The following KLC1 variants were observed in gnomAD, a reference collection of about 807,000 sequenced individuals.
The protein encoded by KLC1 is kinesin light chain 1, also known as kinesin 2 60/70kDa.
KLC1 carries 30 observed loss-of-function variants against 84.2 expected under a neutral mutation model. The ratio of observed to expected loss-of-function variants is 0.36; its 90% CI spans 0.27 to 0.48. The LOEUF (loss-of-function observed/expected upper bound fraction) is 0.48, where lower values mean the gene tolerates loss of function less well. KLC1 is among the 20% of genes least tolerant of loss of function. KLC1 has a pLI of 0.99. For missense variants in KLC1, 499 were observed against 805.4 expected, an observed-to-expected ratio of 0.62 and a Z score of 4.60; for synonymous variants, 289 against 293.3, an observed-to-expected ratio of 0.99 and a Z score of 0.15.
intron 14 of KLC1, among the ~76,000 whole-genome samples, chr14:103,691,147 T>TC (rs1296544471): frequency 7.1e-5 from 9 of 127,622 alleles, no homozygotes; most frequent in Non-Finnish European, 1.5e-4. Flanking sequence ...CCCAGATGGT[T>TC]CCCCCCACTT....
chr14:103,641,768 C>CTGGG (rs1301558984), intron 1 of KLC1, among the ~76,000 whole-genome samples: 3 of 151,832 alleles, frequency 2.0e-5, no homozygotes, highest in Non-Finnish European at 4.4e-5. Flanking sequence ...ACTACAGGTG[C>CTGGG]ACACTACAAC....
Position 103,654,742 on chromosome 14 carries a change from G to T in KLC1, c.178G>T (p.Asp60Tyr). ...GACACTGAAGTGTTTGAAGAAAGAT[G>T]ATGAAAGTAATTTGGTGGAGGAGAA... ...LETLKCLKKDDESNLVEEKSN... is the reference protein window; with the variant it reads ...LETLKCLKKDYESNLVEEKSN... Residue 60 changes from aspartate to tyrosine, a missense_variant, in exon 2 of 17, where the codon GAT becomes TAT. By Grantham distance (160) the Asp-to-Tyr change is radical (BLOSUM62 -3). Transcript: ENST00000334553. The T allele has an allele frequency of 6.2e-7, 1 of 1,614,204 alleles. No homozygotes were observed. Among genetic ancestry groups the T allele is most frequent in the Non-Finnish European group, 8.5e-7 (1 of 1,180,028 alleles).
chr14:103,685,656 C>T (rs1429157296), intron 13 of KLC1: 26 of 1,289,426 alleles, frequency 2.0e-5, no homozygotes, highest in Non-Finnish European at 2.6e-5. Flanking sequence ...GCCCGTGACT[C>T]TCACACTGTC....
chr14:103,668,536 G>GGC (rs2080089232), intron 5 of KLC1, among the ~76,000 whole-genome samples: 1 of 151,714 alleles, frequency 6.6e-6, no homozygotes, highest in Non-Finnish European at 1.5e-5. Flanking sequence ...TTAGTGCAGT[G>GGC]GCGCGATCTA....
intron 5 of KLC1, among the ~76,000 whole-genome samples, chr14:103,665,788 AT>A (rs1482666871): frequency 2.6e-5 from 4 of 152,096 alleles, no homozygotes; most frequent in Admixed American, 2.6e-4. Flanking sequence ...GAGTATAAAC[AT>A]TTTATAGTCC....
intron 1 of KLC1, among the ~76,000 whole-genome samples, chr14:103,644,236 C>T (rs2077720707): frequency 6.8e-6 from 1 of 147,364 alleles, no homozygotes; most frequent in South Asian, 2.2e-4. Context: ...AAAAAAAAGC[C>T]TAAAGTTATT....
At chr14:103,682,443 G>A (rs1476164225) in intron 13 of KLC1, 1 of 151,368 alleles carries the variant, frequency 6.6e-6, no homozygotes, top group African/African-American at 2.4e-5. Flanking sequence ...CCACCACTTT[G>A]GGAGGCCAAG....
intron 1 of KLC1, among the ~76,000 whole-genome samples, chr14:103,636,058 T>C (rs779192299): frequency 1.3e-5 from 2 of 152,124 alleles, no homozygotes; most frequent in Non-Finnish European, 2.9e-5. Context: ...CACAATTCAG[T>C]AGTGTTAAGG....
At chr14:103,630,189 C>T (rs1467923036) in intron 1 of KLC1, among the ~76,000 whole-genome samples, 1 of 152,242 alleles carries the variant, frequency 6.6e-6, no homozygotes, top group Non-Finnish European at 1.5e-5. Context: ...CAGCCTCCGT[C>T]CTGGAATGCT....
At chr14:103,630,357 C>T (rs1243136305) in intron 1 of KLC1, among the ~76,000 whole-genome samples, 1 of 152,154 alleles carries the variant, frequency 6.6e-6, no homozygotes, top group Non-Finnish European at 1.5e-5. Flanking sequence ...CTGCCTGTTA[C>T]TGTTTTATTA....
intron 11 of KLC1, among the ~76,000 whole-genome samples, chr14:103,676,875 G>GA (rs1434317075): frequency 3.3e-5 from 5 of 151,982 alleles, no homozygotes; most frequent in African/African-American, 9.7e-5. Flanking sequence ...AAGAAAGAAA[G>GA]AACACAGAAA....
rs1010406304 is a variant in KLC1 at position 103,652,320 on chromosome 14, A to G, written c.-1-2244A>G. Among the ~76,000 whole-genome samples, 8 of 152,266 alleles carry G rather than the reference A, an allele frequency of 5.3e-5. No individual in the cohort carries two copies. In the Middle Eastern group the frequency reaches 0.01, roughly 194 times the overall value. On this transcript the variant is annotated intron_variant, in intron 1 of 16. Coordinates refer to ENST00000334553, the MANE Select transcript of KLC1 (RefSeq NM_001394837.1). ...ATTTTACAAATGTGTATTGAGTGCC[A>G]GGCCGGGGATATATCATGGAACAGT...
chr14:103,692,316 T>C (rs762863628), intron 14 of KLC1, 43 bp from the exon 15 acceptor site: 13 of 1,523,786 alleles, frequency 8.5e-6, no homozygotes, highest in African/African-American at 5.5e-5. Flanking sequence ...GGTTGACCGA[T>C]GTGCTGATCG....
At chr14:103,695,994 A>G (rs1274989329) in intron 15 of KLC1, 10 of 985,172 alleles carry the variant, frequency 1.0e-5, no homozygotes, top group Admixed American at 6.2e-5. Context: ...TGGTGGGCCC[A>G]GGCATCCCTC....
intron 5 of KLC1, among the ~76,000 whole-genome samples, chr14:103,665,449 G>T (rs1351484030): frequency 6.6e-6 from 1 of 151,972 alleles, no homozygotes; most frequent in Non-Finnish European, 1.5e-5. Context: ...CCTGTCTTGT[G>T]TCTTGATGGA....
intron 15 of KLC1, chr14:103,695,327 ATG>A (rs1555425976): frequency 8.5e-6 from 4 of 471,008 alleles, no homozygotes; most frequent in African/African-American, 2.8e-5. Context: ...ATATATATAT[ATG>A]TGTGTGTGTG....
At chr14:103,634,715 A>T (rs1055475714) in intron 1 of KLC1, among the ~76,000 whole-genome samples, 1 of 151,892 alleles carries the variant, frequency 6.6e-6, no homozygotes, top group African/African-American at 2.4e-5. Context: ...TGCTTCTAGG[A>T]GGTTACTAAT....
At chr14:103,695,337 G>A in intron 15 of KLC1, 1 of 527,284 alleles carries the variant, frequency 1.9e-6, no homozygotes, top group Non-Finnish European at 2.2e-6. Context: ...ATGTGTGTGT[G>A]TGTATATATA....
intron 1 of KLC1, among the ~76,000 whole-genome samples, chr14:103,636,801 C>G (rs1184246619): frequency 6.6e-6 from 1 of 152,034 alleles, no homozygotes; most frequent in Non-Finnish European, 1.5e-5. Flanking sequence ...CGGCTCACTG[C>G]AAGCTCTGCC....
Sources: allele counts gnomAD v4.1 joint callset (sites outside exome capture counted in the v4.1 genomes callset), GRCh38; gene constraint gnomAD v4.1.1; transcripts MANE v1.5; gene names NCBI Gene and HGNC (gene_info 2026-07-23, HGNC 2026-07-21).